The following SYNPR variants were observed in gnomAD, a reference collection of about 807,000 sequenced individuals.
SYNPR encodes the protein synaptoporin.
SYNPR carries 23 observed loss-of-function variants against 32.9 expected under a neutral mutation model. The ratio of observed to expected loss-of-function variants is 0.70; its 90% confidence interval spans 0.50 to 0.99. The LOEUF (loss-of-function observed/expected upper bound fraction) is 0.99, where lower values mean the gene tolerates loss of function less well. Among genes scored for constraint, SYNPR ranks in the 50% least tolerant of loss-of-function variants. The probability of loss-of-function intolerance (pLI) is 0.00; values close to 1 mark genes in which losing one functional copy is unlikely to be tolerated. For missense variants in SYNPR, 318 were observed against 349.3 expected, an observed-to-expected ratio of 0.91 and a Z score of 0.71; for synonymous variants, 146 against 135.9, an observed-to-expected ratio of 1.07 and a Z score of -0.52.
chr3:63,436,653 A>T (rs1217380101), intron 2 of SYNPR, among the ~76,000 whole-genome samples: 1 of 152,136 alleles, frequency 6.6e-6, no homozygotes, highest in Admixed American at 6.5e-5. Flanking sequence ...GTGGATGGAC[A>T]TCCAGGAATC....
chr3:63,416,563 A>C (rs181358592), intron 2 of SYNPR, among the ~76,000 whole-genome samples: 20 of 151,196 alleles, frequency 1.3e-4, no homozygotes, highest in South Asian at 6.3e-4. Context: ...CCAAAAAAAA[A>C]CACAGAAGTT....
chr3:63,378,921 G>C (rs1379160751), intron 2 of SYNPR, among the ~76,000 whole-genome samples: 2 of 152,040 alleles, frequency 1.3e-5, no homozygotes, highest in African/African-American at 4.8e-5. Flanking sequence ...AATGTAAGTG[G>C]TTTGTATTAT....
intron 1 of SYNPR, among the ~76,000 whole-genome samples, chr3:63,244,624 C>G (rs1010562391): frequency 6.6e-6 from 1 of 152,046 alleles, no homozygotes; most frequent in Non-Finnish European, 1.5e-5. Context: ...GTGTGAATGA[C>G]TAAGCTGACT....
chr3:63,254,287 G>T (rs1448816387), intron 2 of SYNPR, among the ~76,000 whole-genome samples: 2 of 152,062 alleles, frequency 1.3e-5, no homozygotes, highest in Admixed American at 6.6e-5. Flanking sequence ...CCTGTACGTT[G>T]TGCACATGTA....
At position 63,615,508 on chromosome 3, in the gene SYNPR, GT is replaced by G; in HGVS notation, c.*28del. 6.3e-7 allele frequency: 1 copy of G among 1,598,798 alleles called. No individual in the cohort carries two copies. The highest frequency in any genetic ancestry group is 8.5e-7 in the Non-Finnish European group (1 of 1,170,970). On this transcript the variant is annotated 3_prime_UTR_variant, in exon 6 of 6. Transcript: ENST00000478300. ...AGAGTAGCATTTGCATTCTTCTGCA[GT>G]CGCCTCACCATCTTCCATTTCAGTG...
chr3:63,333,205 G>A (rs2087248858), intron 2 of SYNPR, among the ~76,000 whole-genome samples: 1 of 151,652 alleles, frequency 6.6e-6, no homozygotes, highest in African/African-American at 2.4e-5. Context: ...ACTCTTCATT[G>A]ATTGCCCTCT....
At chr3:63,524,702 T>C (rs1366182705) in intron 3 of SYNPR, among the ~76,000 whole-genome samples, 1 of 152,132 alleles carries the variant, frequency 6.6e-6, no homozygotes, top group Non-Finnish European at 1.5e-5. Context: ...TTAGACACCA[T>C]TCTGAATGCC....
chr3:63,476,628 T>C (rs1700932673), intron 2 of SYNPR, among the ~76,000 whole-genome samples: 1 of 152,082 alleles, frequency 6.6e-6, no homozygotes, highest in Non-Finnish European at 1.5e-5. Context: ...CCCCCAACCA[T>C]AGAGCTAATT....
chr3:63,526,987 G>T (rs1356027905), intron 3 of SYNPR, among the ~76,000 whole-genome samples: 2 of 152,104 alleles, frequency 1.3e-5, no homozygotes, highest in Non-Finnish European at 1.5e-5. Flanking sequence ...AATATATAAA[G>T]CTCCAAATAG....
upstream of SYNPR, among the ~76,000 whole-genome samples, chr3:63,226,715 GA>G (rs2086130932): frequency 6.6e-6 from 1 of 152,138 alleles, no homozygotes; most frequent in Non-Finnish European, 1.5e-5. Flanking sequence ...GGGAGAGTAG[GA>G]GGGGGAAAGG....
intron 3 of SYNPR, among the ~76,000 whole-genome samples, chr3:63,490,746 AG>A (rs1701243563): frequency 6.6e-6 from 1 of 151,916 alleles, no homozygotes; most frequent in African/African-American, 2.4e-5. Context: ...TGGACCCACT[AG>A]GTTTTTTGTT....
chr3:63,464,238 C>T (rs532786384), intron 2 of SYNPR, among the ~76,000 whole-genome samples: 1 of 152,142 alleles, frequency 6.6e-6, no homozygotes, highest in Non-Finnish European at 1.5e-5. Context: ...CCTCTACTGC[C>T]TATTTGACTG....
chr3:63,408,190 G>T (rs1360329187), intron 2 of SYNPR, among the ~76,000 whole-genome samples: 1 of 89,270 alleles, frequency 1.1e-5, no homozygotes, highest in Non-Finnish European at 2.2e-5. Context: ...AAGAAAGAAA[G>T]AAAGAGGAAG....
chr3:63,203,146 A>G, the SYNPR span: 2 of 146,430 alleles, frequency 1.4e-5, no homozygotes, highest in Non-Finnish European at 3.0e-5. Flanking sequence ...ACAAGCATCT[A>G]TACCAGTGTT....
chr3:63,210,718 T>C, the SYNPR span, among the ~76,000 whole-genome samples: 1 of 152,220 alleles, frequency 6.6e-6, no homozygotes, highest in Non-Finnish European at 1.5e-5. Flanking sequence ...CATCCATATT[T>C]ATCTTCTATA....
intron 1 of SYNPR, among the ~76,000 whole-genome samples, chr3:63,244,688 C>G (rs2086272000): frequency 6.6e-6 from 1 of 152,094 alleles, no homozygotes; most frequent in African/African-American, 2.4e-5. Flanking sequence ...TCCACAAGCT[C>G]TGCAAGATGG....
the SYNPR span, among the ~76,000 whole-genome samples, chr3:63,206,460 C>A: frequency 6.6e-6 from 1 of 151,988 alleles, no homozygotes; most frequent in African/African-American, 2.4e-5. Flanking sequence ...ACTTGGGAGG[C>A]TGGGGCAGGA....
chr3:63,521,069 G>A (rs182724610), intron 3 of SYNPR, among the ~76,000 whole-genome samples: 4 of 152,266 alleles, frequency 2.6e-5, no homozygotes, highest in Admixed American at 2.6e-4. Context: ...CTGAAAAGAG[G>A]GTGATACACA....
intron 2 of SYNPR, chr3:63,329,960 A>T (rs958390159): frequency 6.6e-6 from 1 of 152,150 alleles, no homozygotes; most frequent in African/African-American, 2.4e-5. Flanking sequence ...CAGGTTGTGT[A>T]CAGGAGAGCA....
Sources: gnomAD v4.1 joint callset for allele counts (sites outside exome capture counted in the v4.1 genomes callset) on GRCh38, gnomAD v4.1.1 for gene constraint, MANE v1.5 for transcripts, NCBI Gene and HGNC (gene_info 2026-07-23, HGNC 2026-07-21) for gene names.